The following DYNC2H1 variants were observed in gnomAD, a reference collection of about 807,000 sequenced individuals.
DYNC2H1 encodes cytoplasmic dynein 2 heavy chain 1.
In DYNC2H1, 410 loss-of-function variants were observed where a neutral mutation model predicts 570.0. The ratio of observed to expected loss-of-function variants is 0.72; its 90% CI spans 0.66 to 0.78. DYNC2H1 has a LOEUF of 0.78. Among genes scored for constraint, DYNC2H1 ranks in the 30% least tolerant of loss-of-function variants. DYNC2H1 has a pLI of 0.00. For missense variants in DYNC2H1, 4,865 were observed against 5,046.4 expected (o/e 0.96, Z 1.09); for synonymous variants, 1,688 against 1,677.6 (o/e 1.01, Z -0.15).
In DYNC2H1 at chr11:103,254,762, T is replaced by C. The variant is rs183024517; in HGVS notation, c.10207-653T>C. On this transcript the variant is annotated intron_variant, in intron 66 of 88. Coordinates refer to ENST00000375735, the MANE Select transcript of DYNC2H1 (RefSeq NM_001377.3). This position sits in a 1 kb window ranked among gnomAD's most constrained non-coding sequence, Gnocchi z 4.9. ...TTTGATGACATAGTATTTTATCTTT[T>C]TATTTGTTTATTTTATTTTATTTTT... 3.3e-5 allele frequency among the ~76,000 whole-genome samples: 5 copies of C among 152,152 alleles called. No individual in the cohort carries two copies. In the East Asian group the frequency reaches 9.6e-4, roughly 29 times the overall value.
intron 73 of DYNC2H1, among the ~76,000 whole-genome samples, chr11:103,283,337 G>A (rs988622136): frequency 6.6e-6 from 1 of 152,026 alleles, no homozygotes; most frequent in African/African-American, 2.4e-5. Flanking sequence ...CAGCCACCAT[G>A]GTAAGTTAGG....
intron 80 of DYNC2H1, among the ~76,000 whole-genome samples, chr11:103,317,732 C>T (rs1417667575): frequency 6.6e-6 from 1 of 152,058 alleles, no homozygotes; most frequent in Non-Finnish European, 1.5e-5. Flanking sequence ...TCCTATTGTT[C>T]ACTTCTCAGC....
chr11:103,399,309 AT>A (rs771285549), intron 83 of DYNC2H1, among the ~76,000 whole-genome samples: 3,525 of 93,712 alleles, frequency 0.038, 50 homozygotes, highest in Middle Eastern at 0.076. Flanking sequence ...TATTCGGCTA[AT>A]TTTTTTTTTT....
intron 60 of DYNC2H1, among the ~76,000 whole-genome samples, chr11:103,232,017 A>G (rs970008575): frequency 1.3e-5 from 2 of 152,004 alleles, no homozygotes; most frequent in Non-Finnish European, 2.9e-5. Context: ...CTGAACAATT[A>G]TGTTAGAAAT....
At chr11:103,315,916 C>CTAAA (rs34344797) in intron 79 of DYNC2H1, among the ~76,000 whole-genome samples, 25,137 of 151,660 alleles carry the variant, frequency 0.17, 2,260 homozygotes, top group Admixed American at 0.25. Flanking sequence ...ATCAGTATTC[C>CTAAA]TAATATCCAA....
At chr11:103,147,568 A>T (rs1220420319) in intron 18 of DYNC2H1, among the ~76,000 whole-genome samples, 1 of 152,156 alleles carries the variant, frequency 6.6e-6, no homozygotes, top group African/African-American at 2.4e-5. Context: ...GTATTGTAAC[A>T]AAATTATTGC....
Position 103,128,940 on chromosome 11 carries a change from C to T in DYNC2H1, c.1888C>T (p.Gln630Ter). The change falls in exon 13 of 89, where the codon CAA (glutamine) becomes TAA (stop). Residue 630 changes from glutamine to a stop codon, truncating the protein, a stop_gained. Coordinates refer to ENST00000375735, the MANE Select transcript of DYNC2H1 (RefSeq NM_001377.3). LOFTEE classifies it high-confidence loss of function. ...VAHFYNSIDQ[Q>*]MIQSQRPMML... is the part of the protein sequence containing the mutation. ...ACATTTTTATAATTCTATTGATCAA[C>T]AAATGATTCAAAGTCAGAGGCCAAT... is the stretch of plus-strand genomic sequence containing the variant. 6.3e-7 allele frequency: 1 copy of T among 1,598,948 alleles called. No homozygotes were observed. Among genetic ancestry groups the T allele is most frequent in the Non-Finnish European group, 8.5e-7 (1 of 1,174,366 alleles).
intron 71 of DYNC2H1, 133 bp from the exon 72 acceptor site, chr11:103,282,043 TAGA>T (rs2135340964): frequency 8.0e-6 from 5 of 624,318 alleles, no homozygotes; most frequent in Non-Finnish European, 1.4e-5. Context: ...GTTAACATAC[TAGA>T]AGAAGTGGTA....
At chr11:103,444,100 T>A (rs988805000) in intron 85 of DYNC2H1, among the ~76,000 whole-genome samples, 1 of 151,640 alleles carries the variant, frequency 6.6e-6, no homozygotes, top group Non-Finnish European at 1.5e-5. Flanking sequence ...TAGTTAAATT[T>A]TTATTAATAT....
chr11:103,214,160 T>C (rs1475785624), intron 54 of DYNC2H1, among the ~76,000 whole-genome samples: 1 of 152,204 alleles, frequency 6.6e-6, no homozygotes, highest in Non-Finnish European at 1.5e-5. Context: ...GGGTTCTTTA[T>C]TCTGTTCCAT....
In DYNC2H1 at chr11:103,402,415, C is replaced by T. The variant is rs145585095; in HGVS notation, c.12366+2543C>T. The T allele has an allele frequency of 1.6e-3, 242 of 152,168 alleles. 1 individual carries two copies. The highest frequency in any genetic ancestry group is 5.5e-3 in the African/African-American group (230 of 41,528). The allele number at this position is 152,168 out of a possible 1,614,324, so 9.4% of individuals were successfully genotyped here. The stretch of plus-strand genomic sequence containing the variant: ...TGTGCTTTCTTGGATAATATCACGT[C>T]ATCATTGGTATACAGTTAGTGTATT... On this transcript the variant is annotated intron_variant, in intron 84 of 88. Transcript: ENST00000375735.
At chr11:103,459,161 T>G (rs1591789534) in intron 87 of DYNC2H1, among the ~76,000 whole-genome samples, 1 of 149,290 alleles carries the variant, frequency 6.7e-6, no homozygotes, top group African/African-American at 2.5e-5. Context: ...TACAAAAAAT[T>G]AGCCGGGCGT....
At chr11:103,354,140 G>A (rs1456307078) in intron 82 of DYNC2H1, among the ~76,000 whole-genome samples, 5 of 139,302 alleles carry the variant, frequency 3.6e-5, no homozygotes, top group East Asian at 2.1e-4. Context: ...TCGCGCCACC[G>A]TACTCCAGCC....
intron 83 of DYNC2H1, among the ~76,000 whole-genome samples, chr11:103,378,109 A>G (rs939108767): frequency 7.4e-6 from 1 of 134,524 alleles, no homozygotes; most frequent in Non-Finnish European, 1.6e-5. Flanking sequence ...CATCATTAAT[A>G]CTGAGCATAA....
intron 70 of DYNC2H1, among the ~76,000 whole-genome samples, chr11:103,263,662 A>T (rs1396182257): frequency 2.0e-5 from 3 of 152,236 alleles, no homozygotes; most frequent in Non-Finnish European, 4.4e-5. Context: ...TTTGAAACCA[A>T]CGAGAACAAA....
rs751354035 is a variant in DYNC2H1, at chr11:103,120,548, C to A, written c.1101C>A (p.Gly367=). 6.2e-7 allele frequency: 1 copy of A among 1,612,960 alleles called. No individual in the cohort carries two copies. Among genetic ancestry groups the A allele is most frequent in the Non-Finnish European group, 8.5e-7 (1 of 1,179,386 alleles). ...CLTRVFEPFT[G]LNPVQYNPYT... ...CTCGAGTATTTGAACCTTTTACTGG[C>A]CTGAATCCTGTGCAATATAATCCAT... Residue 367 remains glycine (G), a synonymous_variant, in exon 7 of 89, where the codon GGC becomes GGA. Coordinates refer to ENST00000375735, the MANE Select transcript of DYNC2H1 (RefSeq NM_001377.3).
chr11:103,229,021 C>G (rs1863902803), intron 59 of DYNC2H1, among the ~76,000 whole-genome samples: 1 of 152,076 alleles, frequency 6.6e-6, no homozygotes, highest in East Asian at 1.9e-4. Context: ...TGGGGGAAAG[C>G]CAGCAGGCAC....
chr11:103,158,338 A>G (rs1243431980), intron 26 of DYNC2H1, among the ~76,000 whole-genome samples: 2 of 152,198 alleles, frequency 1.3e-5, no homozygotes, highest in East Asian at 3.9e-4. Flanking sequence ...ATTCCCAGCT[A>G]CTTGGGAGGC....
chr11:103,474,018 C>T, intron 88 of DYNC2H1: 1 of 173,638 alleles, frequency 5.8e-6, no homozygotes, highest in South Asian at 9.8e-5. Flanking sequence ...AAAGTTCTGC[C>T]TTCTATACAC....
Sources: gnomAD v4.1 joint callset for allele counts (sites outside exome capture counted in the v4.1 genomes callset) on GRCh38, gnomAD v4.1.1 for gene constraint, Gnocchi (gnomAD v3.1) non-coding constraint, MANE v1.5 for transcripts, NCBI Gene and HGNC (gene_info 2026-07-23, HGNC 2026-07-21) for gene names.